RNF170: variants seen among roughly 807,000 people sequenced by gnomAD.
RNF170 encodes E3 ubiquitin-protein ligase RNF170.
RNF170 carries 12 observed loss-of-function variants against 32.7 expected under a neutral mutation model. That is an observed-to-expected ratio of 0.37 (90% CI 0.24 to 0.60). The LOEUF (loss-of-function observed/expected upper bound fraction) is 0.60. RNF170 is among the 20% of genes least tolerant of loss of function. The pLI is 0.72. For synonymous variants in RNF170, 91 were observed against 103.6 expected, an observed-to-expected ratio of 0.88 and a Z score of 0.74; for missense variants, 212 against 311.2, an observed-to-expected ratio of 0.68 and a Z score of 2.40.
chr8:42,851,429 G>A (rs1802938756), downstream of RNF170, among the ~76,000 whole-genome samples: 1 of 151,978 alleles, frequency 6.6e-6, no homozygotes, highest in Non-Finnish European at 1.5e-5. Flanking sequence ...GTTGGGTGTG[G>A]TGGTGGGCAT....
chr8:42,857,121 T>C (rs1803300886), intron 6 of RNF170, among the ~76,000 whole-genome samples: 1 of 152,250 alleles, frequency 6.6e-6, no homozygotes, highest in Admixed American at 6.5e-5. Context: ...ATTTCTCTGC[T>C]ATGTTTAACA....
Position 42,853,988 on chromosome 8 carries a change from A to G in RNF170, c.*2171T>C. On this transcript the variant is annotated 3_prime_UTR_variant, in exon 7 of 7. Coordinates refer to ENST00000527424, the MANE Select transcript of RNF170 (RefSeq NM_030954.4). ...AAATAAAATCCTGTCAAAAAATGAC[A>G]TCACCATTCCCCCACACCAAATGTG... is the stretch of plus-strand genomic sequence containing the variant. 7.8e-7 allele frequency: 1 copy of G among 1,287,212 alleles called. No individual in the cohort carries two copies. The highest frequency in any genetic ancestry group is 1.0e-6 in the Non-Finnish European group (1 of 988,640). 79.7% of individuals were successfully genotyped at this position (1,287,212 alleles called of 1,614,324 possible). A position where few individuals can be genotyped will look rare whatever the true frequency, so the allele number is the denominator to read the frequency against.
At chr8:42,890,306 C>A (rs1228287741) in intron 1 of RNF170, among the ~76,000 whole-genome samples, 2 of 142,798 alleles carry the variant, frequency 1.4e-5, no homozygotes, top group Non-Finnish European at 3.0e-5. Context: ...GAGACGGAGT[C>A]TTGCTCTGTC....
intron 1 of RNF170, among the ~76,000 whole-genome samples, chr8:42,888,528 T>G (rs1806023640): frequency 6.6e-6 from 1 of 151,318 alleles, no homozygotes; most frequent in Non-Finnish European, 1.5e-5. Flanking sequence ...TATGGGAGGC[T>G]GAGGCAGGCG....
At chr8:42,866,800 G>C (rs940865347) in intron 4 of RNF170, among the ~76,000 whole-genome samples, 2 of 152,180 alleles carry the variant, frequency 1.3e-5, no homozygotes, top group African/African-American at 2.4e-5. Context: ...AAGAAGGCAC[G>C]GGTGTGCCAA....
rs760723004 is a variant in RNF170 at position 42,853,868 on chromosome 8, A to G, written c.*2291T>C. ...TTTTTTATGTTACAAAATTTGGTAC[A>G]ATACACCTCTTTCAGGAAAGTCTTA... On this transcript the variant is annotated 3_prime_UTR_variant, in exon 7 of 7. Coordinates refer to ENST00000527424, the MANE Select transcript of RNF170 (RefSeq NM_030954.4). The G allele has an allele frequency of 1.2e-5, 16 of 1,286,592 alleles. No homozygotes were observed. Among genetic ancestry groups the G allele is most frequent in the Non-Finnish European group, 5.1e-6 (5 of 988,276 alleles). The allele number at this position is 1,286,592 out of a possible 1,614,324, so 79.7% of individuals were successfully genotyped here.
intron 3 of RNF170, among the ~76,000 whole-genome samples, chr8:42,872,407 C>T (rs908438511): frequency 3.9e-5 from 6 of 152,130 alleles, no homozygotes; most frequent in African/African-American, 2.4e-5. Flanking sequence ...TTATGGGTAA[C>T]AATTGTTATG....
Position 42,855,221 on chromosome 8 carries a change from T to C in RNF170, c.*938A>G, listed in dbSNP as rs1342762661. 6 of 1,285,134 alleles carry C rather than the reference T, an allele frequency of 4.7e-6. No individual in the cohort carries two copies. Among genetic ancestry groups the C allele is most frequent in the Admixed American group, 4.6e-5 (2 of 43,202 alleles). 79.6% of individuals were successfully genotyped at this position (1,285,134 alleles called of 1,614,324 possible). A position where few individuals can be genotyped will look rare whatever the true frequency, so the allele number is the denominator to read the frequency against. On this transcript the variant is annotated 3_prime_UTR_variant, in exon 7 of 7. Transcript: ENST00000527424. ...CAAGTGTGCTGACTGGAGATAAATG[T>C]TTTTCATCTTTTTTTTTTTTTTTTT...
At chr8:42,891,114 C>T (rs977067908) in intron 1 of RNF170, among the ~76,000 whole-genome samples, 2 of 152,174 alleles carry the variant, frequency 1.3e-5, no homozygotes, top group Admixed American at 6.5e-5. Context: ...ACCATACAGG[C>T]TCTAAACTGA....
Position 42,853,385 on chromosome 8 carries a change from T to G in RNF170, c.*2774A>C. Reference sequence around the variant, plus strand: ...CAAGGTTTGAACCAAACCACCAGTCTTCTACAACAACTCTGTGAGGTAGGT... The same window carrying G: ...CAAGGTTTGAACCAAACCACCAGTCGTCTACAACAACTCTGTGAGGTAGGT... On this transcript the variant is annotated 3_prime_UTR_variant, in exon 7 of 7. Coordinates refer to ENST00000527424, the MANE Select transcript of RNF170 (RefSeq NM_030954.4). 1 of 1,284,664 alleles carries G rather than the reference T, an allele frequency of 7.8e-7. No individual in the cohort carries two copies. The highest frequency in any genetic ancestry group is 1.0e-6 in the Non-Finnish European group (1 of 987,308). 79.6% of individuals were successfully genotyped at this position (1,284,664 alleles called of 1,614,324 possible).
At position 42,855,816 on chromosome 8, in the gene RNF170, C is replaced by T. The variant is rs1489080227; in HGVS notation, c.*343G>A. 12 of 1,228,674 alleles carry T rather than the reference C, an allele frequency of 9.8e-6. No homozygotes were observed. The highest frequency in any genetic ancestry group is 1.2e-5 in the Non-Finnish European group (11 of 940,708). 76.1% of individuals were successfully genotyped at this position (1,228,674 alleles called of 1,614,324 possible). ...ATAAGATGGATAAACTGACATTTAACAATATTTTACTATACATCTAATTAA... is the reference window on the plus strand; with the variant it reads ...ATAAGATGGATAAACTGACATTTAATAATATTTTACTATACATCTAATTAA... On this transcript the variant is annotated 3_prime_UTR_variant, in exon 7 of 7. Transcript: ENST00000527424.
At chr8:42,888,459 TAAAA>T (rs879849612) in intron 1 of RNF170, among the ~76,000 whole-genome samples, 2 of 143,426 alleles carry the variant, frequency 1.4e-5, no homozygotes, top group Non-Finnish European at 1.5e-5. Flanking sequence ...TTAACCCCTT[TAAAA>T]AAAAAAAGCC....
chr8:42,859,426 G>A (rs758828896), intron 6 of RNF170, among the ~76,000 whole-genome samples: 1 of 152,002 alleles, frequency 6.6e-6, no homozygotes, highest in Non-Finnish European at 1.5e-5. Flanking sequence ...CTTGAGCCCA[G>A]GAGTTCAAGG....
chr8:42,886,910 T>C (rs559924309), intron 2 of RNF170, among the ~76,000 whole-genome samples: 3 of 152,114 alleles, frequency 2.0e-5, no homozygotes, highest in South Asian at 2.1e-4. Context: ...TCCCAGCACT[T>C]TGGGAGGCTG....
chr8:42,896,901 G>C, upstream of RNF170: 1 of 362,910 alleles, frequency 2.8e-6, no homozygotes, highest in Non-Finnish European at 4.9e-6. Context: ...CGGGGCGGCG[G>C]GCGTGTCCGA....
intron 2 of RNF170, among the ~76,000 whole-genome samples, chr8:42,882,434 G>A (rs1158743208): frequency 2.6e-5 from 4 of 152,184 alleles, no homozygotes; most frequent in African/African-American, 4.8e-5. Flanking sequence ...TGTTGTCCAG[G>A]CTAGTCTCAA....
chr8:42,859,545 T>G (rs1167426880), intron 6 of RNF170, among the ~76,000 whole-genome samples: 1 of 152,168 alleles, frequency 6.6e-6, no homozygotes. Flanking sequence ...CAGGATGGCC[T>G]GAGCTTGGAA....
intron 2 of RNF170, among the ~76,000 whole-genome samples, chr8:42,878,629 A>G (rs1315888718): frequency 6.6e-6 from 1 of 152,246 alleles, no homozygotes; most frequent in East Asian, 1.9e-4. Context: ...GCAAACTTTT[A>G]TTTTATGGAA....
intron 2 of RNF170, among the ~76,000 whole-genome samples, chr8:42,885,997 C>A (rs568728010): frequency 6.6e-6 from 1 of 151,908 alleles, no homozygotes; most frequent in East Asian, 1.9e-4. Flanking sequence ...CCGAGGTGGG[C>A]GAATCAACTG....
Sources: gnomAD v4.1 joint callset for allele counts (sites outside exome capture counted in the v4.1 genomes callset) on GRCh38, gnomAD v4.1.1 for gene constraint, MANE v1.5 for transcripts, NCBI Gene and HGNC (gene_info 2026-07-23, HGNC 2026-07-21) for gene names.